VIRMA: variants seen among roughly 807,000 people sequenced by gnomAD.
The protein encoded by VIRMA is vir like m6A methyltransferase associated, also known as protein virilizer homolog.
Under a neutral mutation model 182.4 loss-of-function variants are expected in VIRMA, and 65 were observed. That is an observed-to-expected ratio of 0.36 (90% CI 0.29 to 0.44). VIRMA has a LOEUF of 0.44. VIRMA is among the 20% of genes least tolerant of loss of function. The pLI is 1.00. For synonymous variants in VIRMA, 709 were observed against 743.1 expected, an observed-to-expected ratio of 0.95 and a Z score of 0.75; for missense variants, 1,752 against 2,158.1, an observed-to-expected ratio of 0.81 and a Z score of 3.73.
intron 8 of VIRMA, among the ~76,000 whole-genome samples, chr8:94,521,384 C>A (rs1814763856): frequency 6.6e-6 from 1 of 152,090 alleles, no homozygotes; most frequent in Non-Finnish European, 1.5e-5. Flanking sequence ...AGGACATGAT[C>A]TCATTCCTCA....
chr8:94,540,452 T>C (rs1389332967), intron 2 of VIRMA, among the ~76,000 whole-genome samples: 1 of 116,978 alleles, frequency 8.5e-6, no homozygotes, highest in Non-Finnish European at 1.7e-5. Flanking sequence ...CTTTACTTTT[T>C]CTTCTTTTCT....
intron 8 of VIRMA, among the ~76,000 whole-genome samples, chr8:94,524,874 T>C (rs933859061): frequency 3.3e-5 from 5 of 152,354 alleles, no homozygotes; most frequent in African/African-American, 9.6e-5. Flanking sequence ...CAACAAACCA[T>C]TCACTGGTTC....
chr8:94,494,843 T>G lies in VIRMA; in HGVS notation c.4641+17A>C, dbSNP rs199895737. The stretch of plus-strand genomic sequence containing the variant: ...AAAACAATAACGTTTTTCTAAATAT[T>G]TAGTAATAATTTATACCAAATCCAG... On this transcript the variant is annotated intron_variant, in intron 20 of 23. Transcript: ENST00000297591. 227 of 1,308,204 alleles carry G rather than the reference T, an allele frequency of 1.7e-4. 1 individual carries two copies. Among genetic ancestry groups the G allele is most frequent in the South Asian group, 1.4e-4 (11 of 78,586 alleles). The allele number at this position is 1,308,204 out of a possible 1,614,324, so 81.0% of individuals were successfully genotyped here. A position where few individuals can be genotyped will look rare whatever the true frequency, so the allele number is the denominator to read the frequency against.
chr8:94,520,330 T>G (rs559113205), intron 8 of VIRMA, among the ~76,000 whole-genome samples: 114 of 151,982 alleles, frequency 7.5e-4, no homozygotes, highest in Non-Finnish European at 1.5e-3. Context: ...ACCCTGTCTC[T>G]AAAAAAATTT....
chr8:94,526,223 C>T lies in VIRMA; in HGVS notation c.2021G>A (p.Arg674Lys), dbSNP rs1759401047. 2 of 1,578,580 alleles carry T rather than the reference C, an allele frequency of 1.3e-6. No individual in the cohort carries two copies. The highest frequency in any genetic ancestry group is 1.7e-6 in the Non-Finnish European group (2 of 1,166,180). Residue 674 changes from arginine to lysine, a missense_variant and splice_region_variant, in exon 8 of 24, where the codon AGA becomes AAA. Transcript: ENST00000297591. ...TTCCCAAAAGGCAAACATGTCTTACCTAAAGAGAACAGGGTATGGATCATC... is the reference window on the plus strand; with the variant it reads ...TTCCCAAAAGGCAAACATGTCTTACTTAAAGAGAACAGGGTATGGATCATC... ...ERDDPYPVLF[R>K]YLHSHHFLEL...
chr8:94,504,199 A>C (rs1814079248), intron 16 of VIRMA, among the ~76,000 whole-genome samples: 1 of 151,850 alleles, frequency 6.6e-6, no homozygotes, highest in Non-Finnish European at 1.5e-5. Flanking sequence ...TAAAAAAAAA[A>C]AAACCCAGGT....
intron 1 of VIRMA, among the ~76,000 whole-genome samples, chr8:94,552,777 T>C (rs1406504815): frequency 5.9e-5 from 9 of 152,324 alleles, no homozygotes; most frequent in Admixed American, 4.6e-4. Flanking sequence ...AGTTTAACTA[T>C]AATTCTCTCA....
intron 14 of VIRMA, 136 bp from the exon 15 acceptor site, chr8:94,510,076 A>G (rs542483776): frequency 3.0e-5 from 23 of 773,498 alleles, no homozygotes; most frequent in Middle Eastern, 7.8e-4. Context: ...ATAATGACAA[A>G]TTCTCTGGAA....
chr8:94,491,825 C>A lies in VIRMA; in HGVS notation c.4893G>T (p.Gln1631His). 5.0e-6 allele frequency: 8 copies of A among 1,613,866 alleles called. No homozygotes were observed. Among genetic ancestry groups the A allele is most frequent in the Non-Finnish European group, 6.8e-6 (8 of 1,179,960 alleles). The change falls in exon 22 of 24, where the codon CAG becomes CAT. Residue 1631 changes from glutamine to histidine, a missense_variant. Transcript: ENST00000297591. ...GAAAAATATCATGAGGTCGTATACC[C>A]TGTCCAAATCCTCCCCTGCCCCTTC... Reference protein sequence around the residue: ...PRGRGRGGFGQGIRPHDIFRQ... With the variant: ...PRGRGRGGFGHGIRPHDIFRQ...
At chr8:94,494,829 G>A (rs565884979) in intron 20 of VIRMA, 31 bp downstream of exon 20, 23 of 1,226,614 alleles carry the variant, frequency 1.9e-5, no homozygotes, top group African/African-American at 1.4e-4. Context: ...AAACAATAAC[G>A]TTTTTCTAAA....
At chr8:94,550,040 T>C (rs935156720) in intron 1 of VIRMA, among the ~76,000 whole-genome samples, 5 of 150,236 alleles carry the variant, frequency 3.3e-5, no homozygotes, top group African/African-American at 1.2e-4. Flanking sequence ...GAAATTGCAG[T>C]GAGCTGTGAT....
intron 1 of VIRMA, among the ~76,000 whole-genome samples, chr8:94,548,077 C>T (rs1182873195): frequency 6.7e-6 from 1 of 149,480 alleles, no homozygotes; most frequent in Non-Finnish European, 1.5e-5. Flanking sequence ...TATTACACAG[C>T]CAATAAAAAA....
intron 16 of VIRMA, among the ~76,000 whole-genome samples, chr8:94,500,125 C>T (rs1050162101): frequency 2.0e-5 from 3 of 149,590 alleles, no homozygotes; most frequent in Admixed American, 1.3e-4. Flanking sequence ...TTTGGCCAGG[C>T]GCGGTGGCTC....
chr8:94,491,690 C>T lies in VIRMA; in HGVS notation c.5028G>A (p.Arg1676=). The T allele has an allele frequency of 6.2e-7, 1 of 1,614,188 alleles. No individual in the cohort carries two copies. The highest frequency in any genetic ancestry group is 8.5e-7 in the Non-Finnish European group (1 of 1,180,034). ...AAATCTTCTGTGATACTTTGAGTGG[C>T]CGTTTTGGTGGAGGTATTCCATCTT... ...VPQDGIPPPK[R]PLKVSQKISS... Residue 1676 remains arginine (R), a synonymous_variant, in exon 22 of 24, where the codon CGG becomes CGA. Coordinates refer to ENST00000297591, the MANE Select transcript of VIRMA (RefSeq NM_015496.5).
In VIRMA at chr8:94,506,731, G is replaced by A. The variant is rs539655735; in HGVS notation, c.3880-14C>T. 17 of 1,551,932 alleles carry A rather than the reference G, an allele frequency of 1.1e-5. No homozygotes were observed. In the East Asian group the frequency reaches 2.0e-4, roughly 19 times the overall value. On this transcript the variant is annotated splice_polypyrimidine_tract_variant and intron_variant, in intron 15 of 23. Coordinates refer to ENST00000297591, the MANE Select transcript of VIRMA (RefSeq NM_015496.5). ...AAGTGCAATGTCCTGTGGGGAGCAG[G>A]GAAAAAAAAATCGATTTTTTAAATA...
chr8:94,491,985 A>C, intron 21 of VIRMA, 76 bp from the exon 22 acceptor site: 1 of 1,156,228 alleles, frequency 8.6e-7, no homozygotes, highest in Non-Finnish European at 1.2e-6. Flanking sequence ...AATACCCAAA[A>C]TTATATTTCA....
In VIRMA at chr8:94,499,382, CAG is replaced by C; in HGVS notation, c.4220_4221del (p.Ser1407Ter). ...AACACACACATACTTACAATTGTGT[CAG>C]AGTTAAGAATTTGTCTCATAAATTC... is the stretch of plus-strand genomic sequence containing the variant. The part of the protein sequence containing the change: ...FLEFMRQILN[S>X]DTIGCCGDDN... On this transcript the variant is annotated frameshift_variant, in exon 17 of 24. Coordinates refer to ENST00000297591, the MANE Select transcript of VIRMA (RefSeq NM_015496.5). LOFTEE classifies it high-confidence loss of function. 6.4e-7 allele frequency: 1 copy of C among 1,566,374 alleles called. No homozygotes were observed. The highest frequency in any genetic ancestry group is 8.7e-7 in the Non-Finnish European group (1 of 1,155,772).
intron 10 of VIRMA, 85 bp from the exon 11 acceptor site, chr8:94,515,036 T>C: frequency 3.1e-6 from 2 of 650,710 alleles, no homozygotes; most frequent in Non-Finnish European, 5.1e-6. Context: ...AGAAAATCAT[T>C]ATTAGGTCCA....
intron 1 of VIRMA, among the ~76,000 whole-genome samples, chr8:94,550,481 A>G (rs889900961): frequency 6.6e-6 from 1 of 151,890 alleles, no homozygotes; most frequent in Non-Finnish European, 1.5e-5. Context: ...TTTAGTAGAG[A>G]CAGGGTTTCA....
Sources: allele counts gnomAD v4.1 joint callset (sites outside exome capture counted in the v4.1 genomes callset), GRCh38; gene constraint gnomAD v4.1.1; transcripts MANE v1.5; gene names NCBI Gene and HGNC (gene_info 2026-07-23, HGNC 2026-07-21).